Variants in DLG1 observed in about 807,000 individuals in gnomAD.
DLG1 encodes discs large MAGUK scaffold protein 1, also known as disks large homolog 1.
A neutral mutation model predicts 123.4 loss-of-function variants in DLG1; 42 were observed. The ratio of observed to expected loss-of-function variants is 0.34; its 90% CI spans 0.27 to 0.44. The LOEUF (loss-of-function observed/expected upper bound fraction) is 0.44, where lower values mean the gene tolerates loss of function less well. DLG1 is among the 20% of genes least tolerant of loss of function. The probability of loss-of-function intolerance (pLI) is 1.00; values close to 1 mark genes in which losing one functional copy is unlikely to be tolerated. For missense variants in DLG1, 942 were observed against 1,082.6 expected, an observed-to-expected ratio of 0.87 and a Z score of 1.82; for synonymous variants, 317 against 356.2, an observed-to-expected ratio of 0.89 and a Z score of 1.24.
At chr3:197,061,998 T>A (rs1322574233) in intron 22 of DLG1, among the ~76,000 whole-genome samples, 1 of 152,146 alleles carries the variant, frequency 6.6e-6, no homozygotes, top group African/African-American at 2.4e-5. Context: ...CACCATGCGG[T>A]TTTCAAAAGA....
At chr3:197,280,002 C>A (rs895192933) in intron 4 of DLG1, among the ~76,000 whole-genome samples, 4 of 152,104 alleles carry the variant, frequency 2.6e-5, no homozygotes, top group Non-Finnish European at 5.9e-5. Context: ...GGGAACATTT[C>A]AAATCTTCTA....
intron 3 of DLG1, among the ~76,000 whole-genome samples, chr3:197,291,083 CAACTCTG>C (rs372270115): frequency 3.5e-4 from 53 of 152,138 alleles, no homozygotes; most frequent in African/African-American, 1.3e-3. Flanking sequence ...GATGCCTTTA[CAACTCTG>C]ATTCCAAGGT....
rs549276108 is a variant in DLG1, at chr3:197,223,123, C to G, written c.319-28534G>C. ...CACCCCTAAAGAACTGCCTCCTAAA[C>G]AGCTTCATAGTCTCTACATTAAGAA... is the stretch of plus-strand genomic sequence containing the variant. On this transcript the variant is annotated intron_variant, in intron 4 of 24. Transcript: ENST00000667157. Among the ~76,000 whole-genome samples the G allele has an allele frequency of 3.9e-4, 59 of 152,302 alleles. No individual in the cohort carries two copies. In the South Asian group the frequency reaches 7.7e-3, roughly 20 times the overall value.
intron 6 of DLG1, among the ~76,000 whole-genome samples, chr3:197,146,800 G>A (rs556109912): frequency 7.9e-5 from 12 of 152,258 alleles, no homozygotes; most frequent in African/African-American, 2.2e-4. Flanking sequence ...ATGCAGATGG[G>A]ATTTAATTAA....
At chr3:197,107,782 T>C (rs2149335250) in intron 13 of DLG1, among the ~76,000 whole-genome samples, 1 of 151,938 alleles carries the variant, frequency 6.6e-6, no homozygotes, top group Non-Finnish European at 1.5e-5. Context: ...GAAATAGTTT[T>C]CTTGCTTTTT....
At chr3:197,190,021 G>C (rs577782500) in intron 5 of DLG1, among the ~76,000 whole-genome samples, 1 of 152,142 alleles carries the variant, frequency 6.6e-6, no homozygotes, top group South Asian at 2.1e-4. Context: ...CTTTATCATT[G>C]TCAGAATAAA....
chr3:197,152,498 C>T lies in DLG1; in HGVS notation c.484-2702G>A, dbSNP rs566800970. Among the ~76,000 whole-genome samples, 146 of 143,640 alleles carry T rather than the reference C, an allele frequency of 1.0e-3. 1 individual carries two copies. The highest frequency in any genetic ancestry group is 4.3e-3 in the Admixed American group (60 of 13,928). 94.2% of individuals were successfully genotyped at this position (143,640 alleles called of 152,430 possible). On this transcript the variant is annotated intron_variant, in intron 5 of 24. Transcript: ENST00000667157. ...GACTTTTTAAAACTCAAGTTTAGGC[C>T]GGGTGCGGTGGCTCACGCCTGTAAT...
At chr3:197,060,651 C>T (rs576660081) in intron 22 of DLG1, among the ~76,000 whole-genome samples, 2 of 152,264 alleles carry the variant, frequency 1.3e-5, no homozygotes, top group South Asian at 4.1e-4. Flanking sequence ...ATATGGGACC[C>T]CAGTTCTGGA....
intron 18 of DLG1, among the ~76,000 whole-genome samples, chr3:197,074,322 C>T (rs569836121): frequency 3.3e-5 from 5 of 152,154 alleles, no homozygotes; most frequent in South Asian, 2.1e-4. Flanking sequence ...TTCTGAATAA[C>T]GTCGTCTGAT....
At chr3:197,175,275 CTT>C (rs1468863946) in intron 5 of DLG1, among the ~76,000 whole-genome samples, 5 of 152,146 alleles carry the variant, frequency 3.3e-5, no homozygotes, top group African/African-American at 4.8e-5. Context: ...AAATTCTAAA[CTT>C]TGCTATAAAA....
chr3:197,268,267 T>C (rs1463039469), intron 4 of DLG1, among the ~76,000 whole-genome samples: 1 of 152,198 alleles, frequency 6.6e-6, no homozygotes, highest in East Asian at 1.9e-4. Flanking sequence ...ATTGGGGGTG[T>C]CTTCTAGGAA....
chr3:197,281,875 G>T (rs1259960612), intron 4 of DLG1, among the ~76,000 whole-genome samples: 1 of 152,184 alleles, frequency 6.6e-6, no homozygotes, highest in Admixed American at 6.5e-5. Flanking sequence ...TTAAAACTGA[G>T]AAGCCATCTA....
chr3:197,187,558 T>C (rs1716825045), intron 5 of DLG1, among the ~76,000 whole-genome samples: 1 of 152,220 alleles, frequency 6.6e-6, no homozygotes, highest in South Asian at 2.1e-4. Flanking sequence ...TTGTATACAA[T>C]AGTTTGAGCA....
chr3:197,052,256 G>A (rs996911767), intron 23 of DLG1, among the ~76,000 whole-genome samples: 1 of 151,642 alleles, frequency 6.6e-6, no homozygotes, highest in African/African-American at 2.4e-5. Context: ...GGAGTTCAGG[G>A]CCAGCCTGGC....
At chr3:197,183,531 A>C in intron 5 of DLG1, 2 of 1,510,506 alleles carry the variant, frequency 1.3e-6, no homozygotes, top group Non-Finnish European at 1.8e-6. Context: ...GAGCAAACGT[A>C]AACAGAAATA....
chr3:197,285,692 T>A (rs958451449), intron 3 of DLG1, among the ~76,000 whole-genome samples: 1 of 152,162 alleles, frequency 6.6e-6, no homozygotes, highest in Non-Finnish European at 1.5e-5. Context: ...AAGATACTAC[T>A]ACACACCTAT....
At chr3:197,247,016 T>C (rs1028027172) in intron 4 of DLG1, among the ~76,000 whole-genome samples, 11 of 152,210 alleles carry the variant, frequency 7.2e-5, no homozygotes, top group African/African-American at 1.2e-4. Context: ...GCCCTAAGAA[T>C]TGATCAATTT....
At chr3:197,049,829 G>A (rs941635974) in intron 24 of DLG1, among the ~76,000 whole-genome samples, 14 of 152,168 alleles carry the variant, frequency 9.2e-5, no homozygotes, top group Admixed American at 7.9e-4. Flanking sequence ...CTGGGAGGCC[G>A]AGGAAGAACG....
At chr3:197,241,580 C>T (rs1484281860) in intron 4 of DLG1, among the ~76,000 whole-genome samples, 1 of 151,912 alleles carries the variant, frequency 6.6e-6, no homozygotes, top group Non-Finnish European at 1.5e-5. Context: ...TATATAAAGC[C>T]CAAAAGATAA....
Sources: gnomAD v4.1 joint callset for allele counts (sites outside exome capture counted in the v4.1 genomes callset) on GRCh38, gnomAD v4.1.1 for gene constraint, MANE v1.5 for transcripts, NCBI Gene and HGNC (gene_info 2026-07-23, HGNC 2026-07-21) for gene names.